Variants in TRIM43 observed in about 807,000 individuals in gnomAD.
TRIM43 encodes tripartite motif-containing protein 43.
A neutral mutation model predicts 27.7 loss-of-function variants in TRIM43; 12 were observed. The ratio of observed to expected loss-of-function variants is 0.43; its 90% CI spans 0.28 to 0.70. The LOEUF (loss-of-function observed/expected upper bound fraction) is 0.70. TRIM43 is among the 30% of genes least tolerant of loss of function. The pLI is 0.17. For synonymous variants in TRIM43, 64 were observed against 121.9 expected (o/e 0.52, Z 3.13); for missense variants, 186 against 356.5 (o/e 0.52, Z 3.85).
Position 95,594,000 on chromosome 2 carries a change from C to A in TRIM43, c.-4-20C>A. On this transcript the variant is annotated intron_variant, in intron 1 of 6. Coordinates refer to ENST00000272395, the MANE Select transcript of TRIM43 (RefSeq NM_138800.3). ...CTCTCCAGGGTAGAAGATTAAATTC[C>A]TGTGGTTTTCTTTCCTTAGGAAAAT... The A allele has an allele frequency of 6.3e-7, 1 of 1,591,198 alleles. No individual in the cohort carries two copies. The highest frequency in any genetic ancestry group is 8.5e-7 in the Non-Finnish European group (1 of 1,172,224).
At chr2:95,595,611 A>G (rs1354230577) in intron 3 of TRIM43, among the ~76,000 whole-genome samples, 1 of 150,264 alleles carries the variant, frequency 6.7e-6, no homozygotes, top group Admixed American at 6.6e-5. Flanking sequence ...AAAGCTGAGG[A>G]GAAGGGATAA....
At chr2:95,593,049 A>T (rs1391402289) in intron 1 of TRIM43, among the ~76,000 whole-genome samples, 1 of 151,454 alleles carries the variant, frequency 6.6e-6, no homozygotes, top group African/African-American at 2.4e-5. Context: ...GGCGTCCTCC[A>T]CCACTCCCGG....
intron 1 of TRIM43, among the ~76,000 whole-genome samples, chr2:95,592,620 C>T (rs1387424644): frequency 6.6e-6 from 1 of 151,488 alleles, no homozygotes; most frequent in Non-Finnish European, 1.5e-5. Context: ...ATCCGTTCAC[C>T]TCCGCCTCTG....
chr2:95,594,457 C>T, intron 2 of TRIM43, 23 bp downstream of exon 2: 1 of 1,605,072 alleles, frequency 6.2e-7, no homozygotes, highest in Non-Finnish European at 8.5e-7. Flanking sequence ...TCTGTGATCA[C>T]CTGAAAGCTG....
intron 3 of TRIM43, 49 bp from the exon 4 acceptor site, chr2:95,596,153 G>C: frequency 1.3e-6 from 2 of 1,598,156 alleles, no homozygotes; most frequent in Non-Finnish European, 8.5e-7. Flanking sequence ...GGCTCTGTGA[G>C]GTGGAAGTAG....
intron 1 of TRIM43, among the ~76,000 whole-genome samples, chr2:95,593,299 GAATT>G (rs772594122): frequency 1.5e-4 from 23 of 151,970 alleles, no homozygotes; most frequent in Non-Finnish European, 2.5e-4. Flanking sequence ...TTTGTAAATT[GAATT>G]AATTGTCTTT....
At position 95,592,136 on chromosome 2, in the gene TRIM43, G is replaced by A. The variant is rs1431532074; in HGVS notation, c.-18G>A. ...GACGGCAAGCTTTGGTGAGAACATA[G>A]ATATATTTCTGAGGTAAGTACACAA... On this transcript the variant is annotated 5_prime_UTR_variant, in exon 1 of 7. Transcript: ENST00000272395. 6.6e-6 allele frequency: 1 copy of A among 151,734 alleles called. No homozygotes were observed. The highest frequency in any genetic ancestry group is 2.4e-5 in the African/African-American group (1 of 41,274). 9.4% of individuals were successfully genotyped at this position (151,734 alleles called of 1,614,324 possible).
chr2:95,595,219 A>G, intron 3 of TRIM43, 74 bp downstream of exon 3: 2 of 1,046,840 alleles, frequency 1.9e-6, no homozygotes, highest in Non-Finnish European at 2.7e-6. Context: ...TAGCAACTTG[A>G]GTTGAAATTC....
At chr2:95,596,020 CT>C (rs1573642656) in intron 3 of TRIM43, among the ~76,000 whole-genome samples, 181 bp from the exon 4 acceptor site, 1 of 151,074 alleles carries the variant, frequency 6.6e-6, no homozygotes. Flanking sequence ...ACCTAAAGGG[CT>C]TTTTTGCAGG....
At chr2:95,594,932 G>C (rs1573642089) in intron 2 of TRIM43, 118 bp from the exon 3 acceptor site, 1 of 1,043,354 alleles carries the variant, frequency 9.6e-7, no homozygotes, top group East Asian at 2.7e-5. Flanking sequence ...GAAAAATTTT[G>C]TTTTTTTCTC....
At chr2:95,592,410 T>G (rs1474139490) in intron 1 of TRIM43, among the ~76,000 whole-genome samples, 1 of 151,750 alleles carries the variant, frequency 6.6e-6, no homozygotes, top group Non-Finnish European at 1.5e-5. Context: ...CACGCTCTAT[T>G]GCCAGGCTGG....
In TRIM43 at chr2:95,594,970, C is replaced by G. The variant is rs1426091080; in HGVS notation, c.412-80C>G. The G allele has an allele frequency of 4.8e-6, 7 of 1,443,544 alleles. No homozygotes were observed. The South Asian group carries it at 5.4e-5, about 11-fold the overall frequency. 89.4% of individuals were successfully genotyped at this position (1,443,544 alleles called of 1,614,324 possible). On this transcript the variant is annotated intron_variant, in intron 2 of 6. Transcript: ENST00000272395. ...CTCACTAATGTATTTATATATTATCCCTTGCCTGTGTATACCACTCAGATT... is the reference window on the plus strand; with the variant it reads ...CTCACTAATGTATTTATATATTATCGCTTGCCTGTGTATACCACTCAGATT...
chr2:95,593,203 G>T, intron 1 of TRIM43, among the ~76,000 whole-genome samples: 1 of 151,910 alleles, frequency 6.6e-6, no homozygotes, highest in East Asian at 1.9e-4. Flanking sequence ...ACCGTGCCCG[G>T]CCTCTAGTGC....
chr2:95,593,556 C>T (rs1685296026), intron 1 of TRIM43, among the ~76,000 whole-genome samples: 4 of 151,900 alleles, frequency 2.6e-5, no homozygotes, highest in Admixed American at 1.3e-4. Context: ...AAGCAATGTC[C>T]TTCTGGAAAA....
intron 1 of TRIM43, among the ~76,000 whole-genome samples, chr2:95,592,475 T>C (rs571091121): frequency 6.6e-6 from 1 of 151,740 alleles, no homozygotes; most frequent in East Asian, 1.9e-4. Flanking sequence ...TTCAAACGAT[T>C]CTTCAGCCTC....
chr2:95,595,450 A>C (rs1685339173), intron 3 of TRIM43, among the ~76,000 whole-genome samples: 1 of 151,658 alleles, frequency 6.6e-6, no homozygotes, highest in Non-Finnish European at 1.5e-5. Flanking sequence ...ATAATTGAGA[A>C]ATAAAGGCAT....
At chr2:95,592,536 T>C (rs868212728) in intron 1 of TRIM43, among the ~76,000 whole-genome samples, 4 of 151,380 alleles carry the variant, frequency 2.6e-5, no homozygotes, top group African/African-American at 4.9e-5. Context: ...GCCCAGCTAA[T>C]TTTTGTATTT....
intron 3 of TRIM43, among the ~76,000 whole-genome samples, chr2:95,595,406 T>A (rs1435906259): frequency 6.6e-6 from 1 of 151,708 alleles, no homozygotes; most frequent in Non-Finnish European, 1.5e-5. Flanking sequence ...GTTTTCTGTA[T>A]AAAATTAATT....
At chr2:95,593,174 C>T (rs1447370817) in intron 1 of TRIM43, among the ~76,000 whole-genome samples, 2 of 151,214 alleles carry the variant, frequency 1.3e-5, no homozygotes, top group East Asian at 2.0e-4. Context: ...CCAAAGTGCT[C>T]GGATTACAGG....
Sources: gnomAD v4.1 joint callset for allele counts (sites outside exome capture counted in the v4.1 genomes callset) on GRCh38, gnomAD v4.1.1 for gene constraint, MANE v1.5 for transcripts, NCBI Gene and HGNC (gene_info 2026-07-23, HGNC 2026-07-21) for gene names.